CCSER1: variants seen among roughly 807,000 people sequenced by gnomAD.
CCSER1 encodes the protein coiled-coil serine rich protein 1.
Under a neutral mutation model 82.0 loss-of-function variants are expected in CCSER1, and 41 were observed. The observed-to-expected ratio is 0.50, with a 90% CI of 0.39 to 0.65. The LOEUF is 0.65. CCSER1 is among the 30% of genes least tolerant of loss of function. CCSER1 has a pLI of 0.00. For synonymous variants in CCSER1, 414 were observed against 383.9 expected (o/e 1.08, Z -0.92); for missense variants, 1,119 against 1,064.2 (o/e 1.05, Z -0.72).
At chr4:90,232,164 A>G (rs1040026910) in intron 1 of CCSER1, among the ~76,000 whole-genome samples, 2 of 152,212 alleles carry the variant, frequency 1.3e-5, no homozygotes, top group African/African-American at 4.8e-5. Flanking sequence ...CACATCGCCA[A>G]GTCAATCCTA....
At chr4:90,823,156 A>G (rs1580651546) in intron 8 of CCSER1, among the ~76,000 whole-genome samples, 3 of 152,274 alleles carry the variant, frequency 2.0e-5, no homozygotes, top group Admixed American at 2.0e-4. Flanking sequence ...CTCTTTCCTA[A>G]GAAGATTTTT....
At chr4:91,144,378 C>A (rs991871979) in intron 10 of CCSER1, among the ~76,000 whole-genome samples, 5 of 151,822 alleles carry the variant, frequency 3.3e-5, no homozygotes, top group African/African-American at 1.2e-4. Context: ...AGATAACATT[C>A]TATAGACCTC....
At chr4:90,242,649 C>T (rs567261154) in intron 1 of CCSER1, among the ~76,000 whole-genome samples, 1 of 152,214 alleles carries the variant, frequency 6.6e-6, no homozygotes, top group South Asian at 2.1e-4. Context: ...ACTAAGCTTA[C>T]AAAAATGATT....
intron 1 of CCSER1, among the ~76,000 whole-genome samples, chr4:90,259,393 A>T (rs901137316): frequency 2.6e-5 from 4 of 151,992 alleles, no homozygotes; most frequent in African/African-American, 9.7e-5. Context: ...TTTTCTAGGT[A>T]TATGATCATA....
intron 10 of CCSER1, among the ~76,000 whole-genome samples, chr4:91,285,449 T>C (rs1299771201): frequency 6.6e-6 from 1 of 151,904 alleles, no homozygotes; most frequent in Non-Finnish European, 1.5e-5. Context: ...TTATCCTTAA[T>C]TTGAATTAAA....
At chr4:90,854,002 C>T (rs753292395) in intron 8 of CCSER1, among the ~76,000 whole-genome samples, 17 of 152,070 alleles carry the variant, frequency 1.1e-4, no homozygotes, top group Non-Finnish European at 2.1e-4. Flanking sequence ...AAGGAAAGTT[C>T]AGAGAAGTAT....
chr4:90,350,288 T>C (rs990965783), intron 3 of CCSER1, among the ~76,000 whole-genome samples: 5 of 151,826 alleles, frequency 3.3e-5, no homozygotes, highest in Admixed American at 6.6e-5. Context: ...TATTTGCGAG[T>C]GTTATAAGAG....
intron 10 of CCSER1, among the ~76,000 whole-genome samples, chr4:91,296,348 G>A (rs1215646412): frequency 1.3e-5 from 2 of 150,192 alleles, no homozygotes; most frequent in African/African-American, 4.9e-5. Flanking sequence ...ATCACTTTGG[G>A]GAATCCCATA....
intron 6 of CCSER1, 138 bp downstream of exon 6, chr4:90,628,370 T>C (rs914663703): frequency 1.6e-6 from 1 of 635,294 alleles, no homozygotes; most frequent in Non-Finnish European, 2.8e-6. Context: ...AGCTTAGCTA[T>C]TTTCATATGT....
chr4:90,754,391 G>A (rs1297398644), intron 7 of CCSER1, among the ~76,000 whole-genome samples: 1 of 151,966 alleles, frequency 6.6e-6, no homozygotes, highest in Admixed American at 6.6e-5. Flanking sequence ...AGAGAGGTGG[G>A]GATTTATTAG....
chr4:90,186,608 A>G (rs1172216237), intron 1 of CCSER1, among the ~76,000 whole-genome samples: 1 of 151,936 alleles, frequency 6.6e-6, no homozygotes, highest in Non-Finnish European at 1.5e-5. Context: ...ACTTACAACT[A>G]TCATTAGGAA....
chr4:91,257,059 A>G (rs751004211), intron 10 of CCSER1, among the ~76,000 whole-genome samples: 7 of 152,058 alleles, frequency 4.6e-5, no homozygotes, highest in African/African-American at 7.2e-5. Context: ...ATCTTGTTTC[A>G]CTCTTTCTAA....
At chr4:91,081,699 A>G (rs1722773522) in intron 9 of CCSER1, among the ~76,000 whole-genome samples, 1 of 152,218 alleles carries the variant, frequency 6.6e-6, no homozygotes, top group Non-Finnish European at 1.5e-5. Context: ...TAAGCTGATA[A>G]GCAACTTCAG....
At chr4:90,772,313 A>G (rs953538768) in intron 7 of CCSER1, among the ~76,000 whole-genome samples, 6 of 152,158 alleles carry the variant, frequency 3.9e-5, no homozygotes, top group African/African-American at 1.4e-4. Context: ...GAGAAAATAT[A>G]TGACAAACTT....
chr4:91,559,709 A>C (rs1459739307), intron 10 of CCSER1, among the ~76,000 whole-genome samples: 2 of 151,604 alleles, frequency 1.3e-5, no homozygotes, highest in Non-Finnish European at 3.0e-5. Context: ...AATAATTTCC[A>C]ATTACAAAGA....
chr4:90,522,993 A>T (rs2153626201), intron 5 of CCSER1, among the ~76,000 whole-genome samples: 1 of 152,024 alleles, frequency 6.6e-6, no homozygotes, highest in African/African-American at 2.4e-5. Flanking sequence ...TCCCATAATC[A>T]TTTACCCCCC....
chr4:91,520,318 A>C (rs1313409930), intron 10 of CCSER1, among the ~76,000 whole-genome samples: 1 of 102,184 alleles, frequency 9.8e-6, no homozygotes, highest in Non-Finnish European at 2.1e-5. Flanking sequence ...TTTTTTTTTT[A>C]ATCAGTGTTG....
chr4:90,786,310 C>T (rs953142919), intron 7 of CCSER1, among the ~76,000 whole-genome samples: 1 of 152,164 alleles, frequency 6.6e-6, no homozygotes, highest in Non-Finnish European at 1.5e-5. Context: ...AAATGAAGAT[C>T]TTCAGTTGTT....
intron 8 of CCSER1, among the ~76,000 whole-genome samples, chr4:90,917,551 T>C (rs915269980): frequency 1.3e-5 from 2 of 152,046 alleles, no homozygotes; most frequent in Admixed American, 6.6e-5. Context: ...TTAGGAGATA[T>C]ACCTAATGTT....
Sources: gnomAD v4.1 joint callset for allele counts (sites outside exome capture counted in the v4.1 genomes callset) on GRCh38, gnomAD v4.1.1 for gene constraint, MANE v1.5 for transcripts, NCBI Gene and HGNC (gene_info 2026-07-23, HGNC 2026-07-21) for gene names.